DSE: variants seen among roughly 807,000 people sequenced by gnomAD.
DSE encodes dermatan sulfate epimerase.
DSE carries 36 observed loss-of-function variants against 84.4 expected under a neutral mutation model. The ratio of observed to expected loss-of-function variants is 0.43; its 90% CI spans 0.33 to 0.56. DSE has a LOEUF of 0.56. Ranked by LOEUF, DSE falls within the 20% of genes least tolerant of loss-of-function variation. The pLI is 0.06. For synonymous variants in DSE, 410 were observed against 430.1 expected (o/e 0.95, Z 0.58); for missense variants, 862 against 1,169.6 (o/e 0.74, Z 3.84).
intron 2 of DSE, among the ~76,000 whole-genome samples, chr6:116,345,840 C>T (rs573691451): frequency 6.2e-4 from 94 of 151,442 alleles, no homozygotes; most frequent in South Asian, 3.6e-3. Flanking sequence ...GCAGGTTTTT[C>T]GAAAAGATCA....
intron 2 of DSE, among the ~76,000 whole-genome samples, chr6:116,336,658 G>A (rs1354637073): frequency 1.3e-5 from 2 of 151,812 alleles, no homozygotes; most frequent in African/African-American, 4.8e-5. Flanking sequence ...GGGAGGCTGA[G>A]GCAGGAGAAT....
intron 2 of DSE, among the ~76,000 whole-genome samples, chr6:116,363,711 C>T (rs1435986075): frequency 6.6e-6 from 1 of 152,146 alleles, no homozygotes; most frequent in Non-Finnish European, 1.5e-5. Context: ...GGAGAAATTA[C>T]ATCATAAGTA....
intron 2 of DSE, among the ~76,000 whole-genome samples, chr6:116,285,725 A>G (rs891586819): frequency 1.3e-5 from 2 of 152,192 alleles, no homozygotes; most frequent in Admixed American, 1.3e-4. Context: ...ATCCAATTTC[A>G]GCTTTCTACA....
At chr6:116,327,435 G>C (rs1029228670) in intron 2 of DSE, among the ~76,000 whole-genome samples, 1 of 152,190 alleles carries the variant, frequency 6.6e-6, no homozygotes, top group Non-Finnish European at 1.5e-5. Context: ...ATGTGACCTG[G>C]ATAATCATAA....
intron 2 of DSE, among the ~76,000 whole-genome samples, chr6:116,260,065 A>C (rs1357462524): frequency 6.6e-6 from 1 of 152,216 alleles, no homozygotes; most frequent in East Asian, 1.9e-4. Flanking sequence ...GAATCACCAC[A>C]CTATATTCCA....
At chr6:116,298,290 TAAGG>T (rs1434008094) in intron 2 of DSE, among the ~76,000 whole-genome samples, 1 of 152,214 alleles carries the variant, frequency 6.6e-6, no homozygotes, top group East Asian at 1.9e-4. Flanking sequence ...AAGGGGGAAT[TAAGG>T]TTGCAGGTGG....
At chr6:116,403,679 G>C (rs190038642) in intron 2 of DSE, among the ~76,000 whole-genome samples, 1 of 152,130 alleles carries the variant, frequency 6.6e-6, no homozygotes, top group South Asian at 2.1e-4. Context: ...GTTGGTTTTC[G>C]TAGCAAAGAA....
intron 1 of DSE, chr6:116,258,359 T>C: frequency 1.7e-6 from 1 of 601,466 alleles, no homozygotes; most frequent in South Asian, 1.8e-5. Context: ...CCTTTTCCTT[T>C]CTTGAAATTC....
At chr6:116,369,700 T>C, upstream of DSE, 1 of 316,666 alleles carries the variant, frequency 3.2e-6, no homozygotes, top group Admixed American at 3.9e-5. Flanking sequence ...TGAGTGAACA[T>C]TTAAAAAATT....
intron 2 of DSE, among the ~76,000 whole-genome samples, chr6:116,260,138 C>T (rs1487278289): frequency 6.6e-6 from 1 of 151,968 alleles, no homozygotes; most frequent in Non-Finnish European, 1.5e-5. Context: ...TCTCCACAAC[C>T]TCGCCAGCAT....
chr6:116,295,317 T>G (rs1032068066), intron 2 of DSE, among the ~76,000 whole-genome samples: 1 of 152,156 alleles, frequency 6.6e-6, no homozygotes, highest in Non-Finnish European at 1.5e-5. Context: ...GAATGTGGCT[T>G]GGCTTATATT....
intron 2 of DSE, among the ~76,000 whole-genome samples, chr6:116,322,261 A>T (rs908273758): frequency 5.3e-5 from 8 of 152,130 alleles, no homozygotes; most frequent in African/African-American, 1.9e-4. Context: ...ATCTTTAACT[A>T]CCAGGCCCAG....
At position 116,433,443 on chromosome 6, in the gene DSE, C is replaced by T; in HGVS notation, c.1011C>T (p.Gly337=). The change falls in exon 5 of 6, where the codon GGC becomes GGT. Residue 337 remains glycine, a synonymous_variant. Transcript: ENST00000644252. The stretch of plus-strand genomic sequence containing the variant: ...TTGATAAATTTGTCATGCGTAATGG[C>T]AGTGGTAACTGGCTAGCTGACCAAA... ...VFLDKFVMRN[G]SGNWLADQIR... is the part of the protein sequence containing the mutation. 6.4e-7 allele frequency: 1 copy of T among 1,552,528 alleles called. No homozygotes were observed. The highest frequency in any genetic ancestry group is 1.2e-5 in the South Asian group (1 of 84,094).
chr6:116,364,981 C>T (rs1249706897), intron 2 of DSE, among the ~76,000 whole-genome samples: 4 of 151,576 alleles, frequency 2.6e-5, no homozygotes, highest in Admixed American at 1.3e-4. Flanking sequence ...TTACAGTGTG[C>T]GCCACCATGC....
intron 2 of DSE, among the ~76,000 whole-genome samples, chr6:116,274,706 A>G (rs925231956): frequency 6.6e-6 from 1 of 152,250 alleles, no homozygotes; most frequent in African/African-American, 2.4e-5. Context: ...ATATCAAGAA[A>G]GTGTTGCACA....
At chr6:116,345,487 T>C (rs1215964638) in intron 2 of DSE, among the ~76,000 whole-genome samples, 2 of 152,110 alleles carry the variant, frequency 1.3e-5, no homozygotes, top group African/African-American at 4.8e-5. Context: ...CTCAACTACA[T>C]GGAAACTGAA....
chr6:116,308,328 TG>T (rs1775468224), intron 2 of DSE, among the ~76,000 whole-genome samples: 1 of 152,244 alleles, frequency 6.6e-6, no homozygotes, highest in Non-Finnish European at 1.5e-5. Flanking sequence ...GCTTCAATCT[TG>T]TAAGAGATTT....
intron 3 of DSE, among the ~76,000 whole-genome samples, chr6:116,429,467 G>A (rs1783669896): frequency 6.6e-6 from 1 of 152,174 alleles, no homozygotes; most frequent in Non-Finnish European, 1.5e-5. Flanking sequence ...CAAGGGTTGC[G>A]TGTTTTAAAG....
intron 2 of DSE, among the ~76,000 whole-genome samples, chr6:116,314,071 C>T (rs1243473822): frequency 2.0e-5 from 3 of 152,156 alleles, no homozygotes; most frequent in Non-Finnish European, 1.5e-5. Context: ...GCCTTGATGG[C>T]TTCCTTTCCC....
Sources: allele counts gnomAD v4.1 joint callset (sites outside exome capture counted in the v4.1 genomes callset), GRCh38; gene constraint gnomAD v4.1.1; transcripts MANE v1.5; gene names NCBI Gene and HGNC (gene_info 2026-07-23, HGNC 2026-07-21).